TEX26: variants seen among roughly 807,000 people sequenced by gnomAD.
TEX26 encodes the protein testis expressed 26.
In TEX26, 34 loss-of-function variants were observed where a neutral mutation model predicts 35.3. The ratio of observed to expected loss-of-function variants is 0.96; its 90% CI spans 0.73 to 1.28. The LOEUF is 1.28. Ranked by LOEUF, TEX26 falls within the 50% of genes most tolerant of loss-of-function variation. The pLI, the probability that TEX26 is intolerant of heterozygous loss-of-function variation, is 0.00. For synonymous variants in TEX26, 136 were observed against 111.8 expected, an observed-to-expected ratio of 1.22 and a Z score of -1.36; for missense variants, 371 against 330.1, an observed-to-expected ratio of 1.12 and a Z score of -0.96.
intron 2 of TEX26, among the ~76,000 whole-genome samples, chr13:30,940,594 A>C (rs1259001588): frequency 6.6e-6 from 1 of 151,932 alleles, no homozygotes; most frequent in Non-Finnish European, 1.5e-5. Context: ...CGGCCTTCCC[A>C]AGTGTTGGGA....
chr13:30,951,601 C>A (rs1275489619), intron 2 of TEX26, among the ~76,000 whole-genome samples: 1 of 152,184 alleles, frequency 6.6e-6, no homozygotes, highest in African/African-American at 2.4e-5. Flanking sequence ...CAACAGCAAT[C>A]ATCACTCGTT....
intron 3 of TEX26, among the ~76,000 whole-genome samples, chr13:30,954,654 C>T (rs1954060214): frequency 6.6e-6 from 1 of 152,028 alleles, no homozygotes; most frequent in African/African-American, 2.4e-5. Context: ...GATAGAATCT[C>T]ACTCTGTTTC....
At chr13:30,941,337 A>G (rs893188727) in intron 2 of TEX26, among the ~76,000 whole-genome samples, 1 of 152,350 alleles carries the variant, frequency 6.6e-6, no homozygotes, top group East Asian at 1.9e-4. Context: ...ATCTGACTGT[A>G]ATGAAAGTGC....
chr13:30,948,614 G>C (rs1002701601), intron 2 of TEX26, among the ~76,000 whole-genome samples: 10 of 151,966 alleles, frequency 6.6e-5, no homozygotes, highest in Admixed American at 2.0e-4. Flanking sequence ...AAATTTGTTT[G>C]AGTTCATTGT....
chr13:30,971,753 G>C, intron 6 of TEX26, among the ~76,000 whole-genome samples: 1 of 152,134 alleles, frequency 6.6e-6, no homozygotes, highest in Non-Finnish European at 1.5e-5. Context: ...GTCTGCTTCA[G>C]ACCACTCAAA....
Position 30,969,102 on chromosome 13 carries a change from A to T in TEX26, c.808+56A>T, listed in dbSNP as rs1954635873. On this transcript the variant is annotated intron_variant, in intron 6 of 6. Transcript: ENST00000380473. The stretch of plus-strand genomic sequence containing the variant: ...AGATCACAATACATTGCTTTTGCCA[A>T]ATAGAAACTGTTCCAAGTTCTAGCC... The T allele has an allele frequency of 2.7e-6, 4 of 1,480,808 alleles. No individual in the cohort carries two copies. In the African/African-American group the frequency reaches 4.2e-5, roughly 15 times the overall value. The allele number at this position is 1,480,808 out of a possible 1,614,324, so 91.7% of individuals were successfully genotyped here.
intron 4 of TEX26, among the ~76,000 whole-genome samples, chr13:30,964,677 T>C (rs1173510124): frequency 6.6e-6 from 1 of 152,214 alleles, no homozygotes; most frequent in Non-Finnish European, 1.5e-5. Context: ...ATAAATTTAT[T>C]TGTTTCATGA....
intron 3 of TEX26, among the ~76,000 whole-genome samples, chr13:30,954,277 TACACACACAC>T (rs56003143): frequency 0.02 from 2,706 of 137,880 alleles, 42 homozygotes; most frequent in Admixed American, 0.039. Flanking sequence ...TATAGACCTA[TACACACACAC>T]ACACACACAC....
intron 1 of TEX26, chr13:30,933,310 T>C (rs1236148324): frequency 1.3e-5 from 2 of 152,426 alleles, no homozygotes; most frequent in African/African-American, 4.8e-5. Flanking sequence ...CTAACCTGAA[T>C]TGATTTTTCT....
intron 4 of TEX26, among the ~76,000 whole-genome samples, chr13:30,965,861 T>TA (rs1012230776): frequency 3.3e-5 from 5 of 152,080 alleles, no homozygotes; most frequent in Non-Finnish European, 5.9e-5. Context: ...GTATTTACAC[T>TA]AAAAAAGTCA....
intron 4 of TEX26, among the ~76,000 whole-genome samples, chr13:30,964,652 G>C (rs1367102961): frequency 6.6e-6 from 1 of 152,198 alleles, no homozygotes; most frequent in Non-Finnish European, 1.5e-5. Context: ...GTGAGACTGG[G>C]TAATCTATGA....
chr13:30,951,420 T>G (rs938541979), intron 2 of TEX26, among the ~76,000 whole-genome samples: 1 of 152,138 alleles, frequency 6.6e-6, no homozygotes, highest in Admixed American at 6.5e-5. Flanking sequence ...AGTTTATATC[T>G]GAATGGCAAT....
intron 5 of TEX26, among the ~76,000 whole-genome samples, chr13:30,967,064 G>C (rs1191334692): frequency 6.6e-6 from 1 of 152,168 alleles, no homozygotes; most frequent in Non-Finnish European, 1.5e-5. Context: ...GAAAGCAATG[G>C]GGTGGGAATC....
intron 2 of TEX26, among the ~76,000 whole-genome samples, chr13:30,940,352 G>A (rs1184996157): frequency 6.7e-5 from 1 of 14,904 alleles, no homozygotes; most frequent in Non-Finnish European, 1.1e-4. Context: ...TTTTTTTTTT[G>A]AGACAGAGTC....
intron 2 of TEX26, among the ~76,000 whole-genome samples, chr13:30,951,824 G>A (rs1276839560): frequency 1.3e-5 from 2 of 151,034 alleles, no homozygotes; most frequent in Non-Finnish European, 2.9e-5. Context: ...CTCTCCAATT[G>A]TCTCATAACT....
At chr13:30,955,653 G>C (rs544126301) in intron 3 of TEX26, among the ~76,000 whole-genome samples, 3 of 152,338 alleles carry the variant, frequency 2.0e-5, no homozygotes, top group African/African-American at 7.2e-5. Flanking sequence ...TTCTTTTTAA[G>C]ATAGGAGAAA....
rs1338564174 is a variant in TEX26, at chr13:30,956,979, C to G, written c.419C>G (p.Ser140Ter). Residue 140 changes from serine (S) to a stop codon, truncating the protein, a stop_gained, in exon 4 of 7, where the codon TCA becomes TGA. Transcript: ENST00000380473. LOFTEE classifies it high-confidence loss of function. Reference protein sequence around the residue: ...ASMKEVNKALSNQFISLTKRD... With the variant: ...ASMKEVNKAL ...ATGAAAGAAGTTAACAAGGCACTAT[C>G]AAATCAGTTTATTTCCCTTACTAAG... 6.2e-7 allele frequency: 1 copy of G among 1,614,194 alleles called. No homozygotes were observed. The highest frequency in any genetic ancestry group is 1.7e-5 in the Admixed American group (1 of 60,022).
intron 1 of TEX26, among the ~76,000 whole-genome samples, chr13:30,934,759 A>G (rs1953206799): frequency 6.6e-6 from 1 of 152,040 alleles, no homozygotes; most frequent in Admixed American, 6.5e-5. Context: ...AGCCGCCCAA[A>G]CTGCAGCTAC....
At chr13:30,956,126 T>G (rs1268347602) in intron 3 of TEX26, among the ~76,000 whole-genome samples, 1 of 151,520 alleles carries the variant, frequency 6.6e-6, no homozygotes, top group Admixed American at 6.6e-5. Flanking sequence ...TAACTAGTCA[T>G]TTAGCATTAG....
Sources: gnomAD v4.1 joint callset for allele counts (sites outside exome capture counted in the v4.1 genomes callset) on GRCh38, gnomAD v4.1.1 for gene constraint, MANE v1.5 for transcripts, NCBI Gene and HGNC (gene_info 2026-07-23, HGNC 2026-07-21) for gene names.